Variants in SORCS1 observed in about 807,000 individuals in gnomAD.
The protein encoded by SORCS1 is sortilin related VPS10 domain containing receptor 1, also known as VPS10 domain-containing receptor SorCS1.
Under a neutral mutation model 146.1 loss-of-function variants are expected in SORCS1, and 60 were observed. That is an observed-to-expected ratio of 0.41 (90% confidence interval 0.33 to 0.51). SORCS1 has a LOEUF of 0.51. SORCS1 is among the 20% of genes least tolerant of loss of function. The probability of loss-of-function intolerance (pLI) is 0.21; values close to 1 mark genes in which losing one functional copy is unlikely to be tolerated. For missense variants in SORCS1, 1,352 were observed against 1,487.6 expected, an observed-to-expected ratio of 0.91 and a Z score of 1.50; for synonymous variants, 637 against 584.0, an observed-to-expected ratio of 1.09 and a Z score of -1.31.
At chr10:107,041,975 T>C (rs925384755) in intron 1 of SORCS1, among the ~76,000 whole-genome samples, 1 of 152,172 alleles carries the variant, frequency 6.6e-6, no homozygotes, top group Non-Finnish European at 1.5e-5. Flanking sequence ...CTTGTTCCAG[T>C]TTCAAAACTG....
At chr10:107,100,296 G>C (rs1041204311) in intron 1 of SORCS1, among the ~76,000 whole-genome samples, 2 of 152,038 alleles carry the variant, frequency 1.3e-5, no homozygotes, top group African/African-American at 2.4e-5. Flanking sequence ...GGTGGATCAC[G>C]AGGTCAGGAG....
chr10:106,805,854 C>G (rs551982762), intron 3 of SORCS1, among the ~76,000 whole-genome samples: 1 of 150,936 alleles, frequency 6.6e-6, no homozygotes, highest in African/African-American at 2.4e-5. Flanking sequence ...GTCAGGAGAT[C>G]GAGACCATCC....
intron 5 of SORCS1, among the ~76,000 whole-genome samples, chr10:106,737,702 A>ATC (rs1564914799): frequency 6.8e-6 from 1 of 146,588 alleles, no homozygotes; most frequent in Non-Finnish European, 1.5e-5. Flanking sequence ...TCCCCTACCC[A>ATC]CCCCCACCAA....
chr10:106,916,010 C>T (rs1179691804), intron 2 of SORCS1, among the ~76,000 whole-genome samples: 1 of 152,084 alleles, frequency 6.6e-6, no homozygotes. Context: ...TCGAGACTTC[C>T]TTCTAACCTA....
chr10:107,134,482 C>T (rs932168341), intron 1 of SORCS1, among the ~76,000 whole-genome samples: 1 of 151,930 alleles, frequency 6.6e-6, no homozygotes, highest in African/African-American at 2.4e-5. Context: ...ACTAAAAATA[C>T]AAAAAAATTA....
At chr10:107,119,376 G>A (rs566268330) in intron 1 of SORCS1, among the ~76,000 whole-genome samples, 1 of 152,258 alleles carries the variant, frequency 6.6e-6, no homozygotes, top group East Asian at 1.9e-4. Flanking sequence ...TTAAAGAAAG[G>A]CTATGGTTTG....
chr10:106,690,862 G>A (rs551046208), intron 9 of SORCS1, among the ~76,000 whole-genome samples: 34 of 152,160 alleles, frequency 2.2e-4, no homozygotes, highest in South Asian at 4.2e-4. Context: ...TGAGAAATCC[G>A]TCTTTCTGTG....
In SORCS1 at chr10:106,745,720, G is replaced by A. The variant is rs78548588; in HGVS notation, c.960-15606C>T. ...CTTGCTTCCAACAAACAGAGTATGGGACAAGAAAAAGAGTAACTTTTCAAT... is the reference window on the plus strand; with the variant it reads ...CTTGCTTCCAACAAACAGAGTATGGAACAAGAAAAAGAGTAACTTTTCAAT... On this transcript the variant is annotated intron_variant, in intron 5 of 25. Transcript: ENST00000263054. 4.2e-3 allele frequency among the ~76,000 whole-genome samples: 642 copies of A among 152,240 alleles called. 6 individuals are homozygous for A. Among genetic ancestry groups the A allele is most frequent in the Admixed American group, 9.2e-3 (140 of 15,296 alleles).
chr10:107,065,448 T>TTTCTTTC (rs147159020), intron 1 of SORCS1, among the ~76,000 whole-genome samples: 6 of 121,638 alleles, frequency 4.9e-5, no homozygotes, highest in South Asian at 2.7e-4. Flanking sequence ...TCTTTCTTTC[T>TTTCTTTC]TTTCTCTCTT....
At chr10:107,039,733 T>G (rs145983555) in intron 1 of SORCS1, among the ~76,000 whole-genome samples, 2 of 152,326 alleles carry the variant, frequency 1.3e-5, no homozygotes, top group African/African-American at 4.8e-5. Flanking sequence ...CAATCTATGT[T>G]AAATAGAACT....
chr10:106,897,649 G>A (rs1482138252), intron 2 of SORCS1, among the ~76,000 whole-genome samples: 2 of 151,824 alleles, frequency 1.3e-5, no homozygotes, highest in Non-Finnish European at 2.9e-5. Flanking sequence ...TGACTCAAAA[G>A]CCATTATTCC....
At chr10:106,638,240 C>T in intron 18 of SORCS1, among the ~76,000 whole-genome samples, 1 of 152,134 alleles carries the variant, frequency 6.6e-6, no homozygotes, top group East Asian at 1.9e-4. Flanking sequence ...TTGGAATTCA[C>T]TCATAAAGTA....
chr10:106,593,210 T>C (rs1004570426), intron 24 of SORCS1, among the ~76,000 whole-genome samples: 1 of 151,798 alleles, frequency 6.6e-6, no homozygotes, highest in Admixed American at 6.6e-5. Context: ...AAGTTTTCCA[T>C]GAGTGAAGGG....
At chr10:106,727,203 C>T (rs1856264028) in intron 6 of SORCS1, among the ~76,000 whole-genome samples, 1 of 152,150 alleles carries the variant, frequency 6.6e-6, no homozygotes, top group Non-Finnish European at 1.5e-5. Flanking sequence ...AGATGTGAGG[C>T]TCTAGCATTT....
chr10:106,883,526 C>T (rs1167820876), intron 2 of SORCS1, among the ~76,000 whole-genome samples: 7 of 151,934 alleles, frequency 4.6e-5, no homozygotes, highest in South Asian at 2.1e-4. Context: ...GCTATTCTCC[C>T]GCCTCAGCCT....
rs141215404 is a variant in SORCS1, at chr10:106,937,172, A to ATTT, written c.626+19338_626+19340dup. ...TAGTGAATAAGTCTCAGAAGATCTGATTTTTTTTTTTTTTTGAGATAGAGT... is the reference window on the plus strand; with the variant it reads ...TAGTGAATAAGTCTCAGAAGATCTGATTTTTTTTTTTTTTTTTTGAGATAGAGT... On this transcript the variant is annotated intron_variant, in intron 2 of 25. Coordinates refer to ENST00000263054, the MANE Select transcript of SORCS1 (RefSeq NM_052918.5). Among the ~76,000 whole-genome samples the ATTT allele has an allele frequency of 1.5e-3, 221 of 143,164 alleles. 3 individuals carry two copies. Among genetic ancestry groups the ATTT allele is most frequent in the Middle Eastern group, 3.5e-3 (1 of 284 alleles). 93.9% of individuals were successfully genotyped at this position (143,164 alleles called of 152,430 possible).
At chr10:106,875,814 A>G (rs1950571326) in intron 2 of SORCS1, among the ~76,000 whole-genome samples, 1 of 152,006 alleles carries the variant, frequency 6.6e-6, no homozygotes, top group African/African-American at 2.4e-5. Context: ...TTCTGACAAC[A>G]TTTTTGAGGG....
At chr10:106,748,477 C>T (rs566553446) in intron 5 of SORCS1, among the ~76,000 whole-genome samples, 2 of 151,922 alleles carry the variant, frequency 1.3e-5, no homozygotes, top group African/African-American at 2.4e-5. Flanking sequence ...ACCAGCGATT[C>T]CCCCATCTCT....
intron 2 of SORCS1, among the ~76,000 whole-genome samples, chr10:106,841,112 CAA>C (rs939161544): frequency 1.3e-4 from 19 of 151,934 alleles, no homozygotes; most frequent in Admixed American, 3.3e-4. Flanking sequence ...CCTCGGCCTC[CAA>C]AAGTGTTGGG....
Sources: allele counts gnomAD v4.1 joint callset (sites outside exome capture counted in the v4.1 genomes callset), GRCh38; gene constraint gnomAD v4.1.1; transcripts MANE v1.5; gene names NCBI Gene and HGNC (gene_info 2026-07-23, HGNC 2026-07-21).